Variants in CREG2 observed in about 807,000 individuals in gnomAD.
CREG2 encodes protein CREG2.
A neutral mutation model predicts 26.2 loss-of-function variants in CREG2; 24 were observed. The observed-to-expected ratio is 0.92, with a 90% CI of 0.66 to 1.29. CREG2 has a LOEUF of 1.29. CREG2 is among the 50% of genes most tolerant of loss of function. The pLI is 0.00. For synonymous variants in CREG2, 174 were observed against 169.2 expected (o/e 1.03, Z -0.22); for missense variants, 366 against 398.6 (o/e 0.92, Z 0.70).
intron 3 of CREG2, among the ~76,000 whole-genome samples, chr2:101,352,919 C>T (rs1330085975): frequency 2.0e-5 from 3 of 152,152 alleles, no homozygotes; most frequent in Non-Finnish European, 4.4e-5. Flanking sequence ...CACTGCACTC[C>T]AGCCTGCACA....
At chr2:101,378,062 C>T (rs1196272641) in intron 2 of CREG2, among the ~76,000 whole-genome samples, 1 of 152,154 alleles carries the variant, frequency 6.6e-6, no homozygotes, top group East Asian at 1.9e-4. Context: ...ACGTTAGATC[C>T]CCAGAACGTG....
intron 2 of CREG2, among the ~76,000 whole-genome samples, chr2:101,373,771 C>T (rs1302253894): frequency 2.6e-5 from 4 of 152,150 alleles, no homozygotes; most frequent in South Asian, 2.1e-4. Flanking sequence ...TATATGACCT[C>T]GGAAACCAGA....
At chr2:101,385,300 G>T (rs1438475060) in intron 1 of CREG2, among the ~76,000 whole-genome samples, 1 of 152,112 alleles carries the variant, frequency 6.6e-6, no homozygotes, top group Non-Finnish European at 1.5e-5. Context: ...TTGTGCCTTA[G>T]CCTCCCAAGT....
intron 1 of CREG2, among the ~76,000 whole-genome samples, chr2:101,386,651 G>A (rs1684970564): frequency 6.6e-6 from 1 of 152,048 alleles, no homozygotes; most frequent in East Asian, 1.9e-4. Flanking sequence ...CGCTGGGAAG[G>A]GCTGTCCCCG....
chr2:101,363,352 G>A (rs1250530941), intron 2 of CREG2, among the ~76,000 whole-genome samples: 1 of 152,190 alleles, frequency 6.6e-6, no homozygotes, highest in Non-Finnish European at 1.5e-5. Context: ...TAAACGTGAA[G>A]CTTGCCTTCT....
chr2:101,351,192 G>T, intron 3 of CREG2, 122 bp from the exon 4 acceptor site: 1 of 938,830 alleles, frequency 1.1e-6, no homozygotes, highest in Non-Finnish European at 1.5e-6. Flanking sequence ...ACATCAGCCA[G>T]AGGCAGAACC....
chr2:101,355,696 A>G (rs1171767624), intron 2 of CREG2, among the ~76,000 whole-genome samples: 5 of 141,946 alleles, frequency 3.5e-5, no homozygotes, highest in Non-Finnish European at 7.8e-5. Flanking sequence ...GGGACTTGCG[A>G]CAGTGGGGTA....
chr2:101,377,381 A>T (rs1316178455), intron 2 of CREG2, among the ~76,000 whole-genome samples: 1 of 152,220 alleles, frequency 6.6e-6, no homozygotes, highest in African/African-American at 2.4e-5. Context: ...CCCACAGACG[A>T]GTCCTCCCCG....
In CREG2 at chr2:101,350,578, T is replaced by TA. The variant is rs1166102042; in HGVS notation, c.*344dup. ...CAATACAAAGCAATCACATTGTAGG[T>TA]ACAGGCATTTTTTTTTTTCCTTAAA... On this transcript the variant is annotated 3_prime_UTR_variant, in exon 4 of 4. Coordinates refer to ENST00000324768, the MANE Select transcript of CREG2 (RefSeq NM_153836.4). 1 of 160,150 alleles carries TA rather than the reference T, an allele frequency of 6.2e-6. No homozygotes were observed. Among genetic ancestry groups the TA allele is most frequent in the Non-Finnish European group, 1.2e-5 (1 of 80,946 alleles). 9.9% of individuals were successfully genotyped at this position (160,150 alleles called of 1,614,324 possible). A position where few individuals can be genotyped will look rare whatever the true frequency, so the allele number is the denominator to read the frequency against.
chr2:101,351,285 C>T (rs934261823), intron 3 of CREG2, among the ~76,000 whole-genome samples: 6 of 152,160 alleles, frequency 3.9e-5, no homozygotes, highest in Non-Finnish European at 8.8e-5. Flanking sequence ...AGGCTCAAGA[C>T]GTGGGCCAGG....
chr2:101,353,508 A>G (rs1301428259), intron 3 of CREG2, among the ~76,000 whole-genome samples: 1 of 152,242 alleles, frequency 6.6e-6, no homozygotes, highest in African/African-American at 2.4e-5. Flanking sequence ...GCTTTTACAC[A>G]GTTGGTGGGA....
At chr2:101,372,600 C>G (rs545915992) in intron 2 of CREG2, among the ~76,000 whole-genome samples, 1 of 152,272 alleles carries the variant, frequency 6.6e-6, no homozygotes, top group Admixed American at 6.5e-5. Flanking sequence ...AAAAGCCCAG[C>G]CTATAAGCAC....
chr2:101,351,982 C>A (rs1684390034), intron 3 of CREG2, among the ~76,000 whole-genome samples: 1 of 151,912 alleles, frequency 6.6e-6, no homozygotes, highest in African/African-American at 2.4e-5. Flanking sequence ...ATCTCCTGGG[C>A]TCAAGCGATC....
chr2:101,365,215 C>T (rs1268386827), intron 2 of CREG2, among the ~76,000 whole-genome samples: 3 of 152,210 alleles, frequency 2.0e-5, no homozygotes, highest in Non-Finnish European at 4.4e-5. Context: ...AAATAGGATT[C>T]TCCTGTTCGG....
In CREG2 at chr2:101,383,559, C is replaced by T. The variant is rs1684913926; in HGVS notation, c.585G>A (p.Leu195=). ...LMKNPMASLM[L]PESEGEFCRK... is the part of the protein sequence containing the mutation. The stretch of plus-strand genomic sequence containing the variant: ...TGCAGAACTCCCCTTCTGATTCTGG[C>T]AGCATCAGCGAGGCCATGGGGTTCT... The change falls in exon 2 of 4, where the codon CTG becomes CTA. Residue 195 remains leucine (L), a synonymous_variant. Coordinates refer to ENST00000324768, the MANE Select transcript of CREG2 (RefSeq NM_153836.4). 5.6e-6 allele frequency: 9 copies of T among 1,614,074 alleles called. No homozygotes were observed. Among genetic ancestry groups the T allele is most frequent in the African/African-American group, 1.3e-5 (1 of 75,036 alleles).
chr2:101,363,045 CT>C (rs763731619), intron 2 of CREG2, among the ~76,000 whole-genome samples: 2 of 152,216 alleles, frequency 1.3e-5, no homozygotes, highest in Non-Finnish European at 2.9e-5. Context: ...GGGTGAAATG[CT>C]TGCATACCCA....
In CREG2 at chr2:101,383,569, G is replaced by A. The variant is rs1228932011; in HGVS notation, c.575C>T (p.Ser192Leu). The change falls in exon 2 of 4, where the codon TCG (serine) becomes TTG (leucine). Residue 192 changes from serine to leucine, a missense_variant. Physicochemically the swap from Ser to Leu is moderately radical, Grantham distance 145. Around this residue, in one of 3 missense-constraint regions of CREG2, gnomAD observed 174 missense variants for 178.2 expected, o/e 0.98. Transcript: ENST00000324768. ...VADLMKNPMA[S>L]LMLPESEGEF... ...CCCTTCTGATTCTGGCAGCATCAGCGAGGCCATGGGGTTCTTCATCAGATC... is the reference window on the plus strand; with the variant it reads ...CCCTTCTGATTCTGGCAGCATCAGCAAGGCCATGGGGTTCTTCATCAGATC... The A allele has an allele frequency of 2.5e-6, 4 of 1,614,106 alleles. No individual in the cohort carries two copies. The highest frequency in any genetic ancestry group is 3.4e-6 in the Non-Finnish European group (4 of 1,180,034).
chr2:101,373,762 A>G (rs1040647028), intron 2 of CREG2, among the ~76,000 whole-genome samples: 13 of 152,240 alleles, frequency 8.5e-5, no homozygotes, highest in African/African-American at 3.1e-4. Context: ...TTACTATGAT[A>G]TATGACCTCG....
At position 101,358,927 on chromosome 2, in the gene CREG2, T is replaced by C. The variant is rs1460833592; in HGVS notation, c.612-3561A>G. ...GCGGGCGCCTGTAGTCCCAGCTACT[T>C]GGGAGGCTGAGGCAGGAGAATGGCG... On this transcript the variant is annotated intron_variant, in intron 2 of 3. Coordinates refer to ENST00000324768, the MANE Select transcript of CREG2 (RefSeq NM_153836.4). Among the ~76,000 whole-genome samples the C allele has an allele frequency of 3.7e-5, 2 of 54,602 alleles. 1 individual carries two copies. The highest frequency in any genetic ancestry group is 1.0e-4 in the Non-Finnish European group (2 of 19,876). The allele number at this position is 54,602 out of a possible 152,430, so 35.8% of individuals were successfully genotyped here.
Sources: allele counts gnomAD v4.1 joint callset (sites outside exome capture counted in the v4.1 genomes callset), GRCh38; gene constraint gnomAD v4.1.1; regional missense constraint gnomAD v4.1.1; transcripts MANE v1.5; gene names NCBI Gene and HGNC (gene_info 2026-07-23, HGNC 2026-07-21).